FBXL3: variants seen among roughly 807,000 people sequenced by gnomAD.
The protein encoded by FBXL3 is F-box and leucine rich repeat protein 3.
A neutral mutation model predicts 37.9 loss-of-function variants in FBXL3; 14 were observed. The observed-to-expected ratio is 0.37, with a 90% CI of 0.24 to 0.58. The LOEUF (loss-of-function observed/expected upper bound fraction) is 0.58, where lower values mean the gene tolerates loss of function less well. Ranked by LOEUF, FBXL3 falls within the 20% of genes least tolerant of loss-of-function variation. The pLI, the probability that FBXL3 is intolerant of heterozygous loss-of-function variation, is 0.74. For missense variants in FBXL3, 327 were observed against 511.1 expected, an observed-to-expected ratio of 0.64 and a Z score of 3.47; for synonymous variants, 194 against 180.1, an observed-to-expected ratio of 1.08 and a Z score of -0.62.
intron 2 of FBXL3, among the ~76,000 whole-genome samples, chr13:77,021,279 G>A (rs986832082): frequency 2.0e-5 from 3 of 152,014 alleles, no homozygotes; most frequent in Admixed American, 6.6e-5. Context: ...AATGACTTAT[G>A]CTTATTTAGT....
chr13:77,012,452 A>G (rs1012062148), intron 4 of FBXL3, among the ~76,000 whole-genome samples: 2 of 152,210 alleles, frequency 1.3e-5, no homozygotes, highest in African/African-American at 4.8e-5. Context: ...AAAAAGGTAA[A>G]AACAAGTGTC....
chr13:77,017,726 T>C (rs989284939), intron 3 of FBXL3: 1 of 152,148 alleles, frequency 6.6e-6, no homozygotes, highest in Non-Finnish European at 1.5e-5. Context: ...GTAATGAAAA[T>C]GTTTCAAAAT....
At chr13:77,015,633 A>C in intron 3 of FBXL3, 53 bp from the exon 4 acceptor site, 1 of 1,250,906 alleles carries the variant, frequency 8.0e-7, no homozygotes, top group Non-Finnish European at 1.1e-6. Flanking sequence ...AGAAATGAGA[A>C]TCAAGGGGTT....
Position 77,015,400 on chromosome 13 carries a change from A to G in FBXL3, c.643+9T>C. On this transcript the variant is annotated intron_variant, in intron 4 of 4. Transcript: ENST00000355619. ...TACTAAAATGTGTCTAGCAAAAAAC[A>G]CAACATACCTGCTGGAGAGACATGA... 3.3e-6 allele frequency: 5 copies of G among 1,508,342 alleles called. No homozygotes were observed. Among genetic ancestry groups the G allele is most frequent in the Non-Finnish European group, 4.4e-6 (5 of 1,128,000 alleles). 93.4% of individuals were successfully genotyped at this position (1,508,342 alleles called of 1,614,324 possible).
chr13:77,013,093 C>A (rs565284371), intron 4 of FBXL3: 1 of 152,116 alleles, frequency 6.6e-6, no homozygotes, highest in African/African-American at 2.4e-5. Context: ...AGTATTCTTT[C>A]TCTTCCCTTC....
rs1432117680 is a variant in FBXL3 at position 77,026,704 on chromosome 13, C to A, written c.-2+123G>T. The A allele has an allele frequency of 2.0e-5, 3 of 146,422 alleles. No individual in the cohort carries two copies. In the East Asian group the frequency reaches 6.4e-4, roughly 31 times the overall value. 9.1% of individuals were successfully genotyped at this position (146,422 alleles called of 1,614,324 possible). A position where few individuals can be genotyped will look rare whatever the true frequency, so the allele number is the denominator to read the frequency against. On this transcript the variant is annotated intron_variant, in intron 1 of 4. Transcript: ENST00000355619. ...CCCGGCACTCCTGAGGAGCGGCCCGCGCGCGCCCCGGCCCCCGCGCCCCCC... is the reference window on the plus strand; with the variant it reads ...CCCGGCACTCCTGAGGAGCGGCCCGAGCGCGCCCCGGCCCCCGCGCCCCCC...
At chr13:77,020,454 T>C (rs1459310006) in intron 2 of FBXL3, among the ~76,000 whole-genome samples, 1 of 152,158 alleles carries the variant, frequency 6.6e-6, no homozygotes, top group African/African-American at 2.4e-5. Context: ...AAGCAGGTAA[T>C]CTCCACCTAA....
Position 77,006,841 on chromosome 13 carries a change from TATAAC to T in FBXL3, c.*299_*303del, listed in dbSNP as rs943045470. The T allele has an allele frequency of 9.0e-6, 10 of 1,108,110 alleles. No individual in the cohort carries two copies. Among genetic ancestry groups the T allele is most frequent in the South Asian group, 3.4e-5 (1 of 29,100 alleles). The allele number at this position is 1,108,110 out of a possible 1,614,324, so 68.6% of individuals were successfully genotyped here. On this transcript the variant is annotated 3_prime_UTR_variant, in exon 5 of 5. Transcript: ENST00000355619. ...AAACCTATTAGTACTTCTTGGATATTATAACATATAGGTTTTGTTTCCTTTAGACT... is the reference window on the plus strand; with the variant it reads ...AAACCTATTAGTACTTCTTGGATATTATATAGGTTTTGTTTCCTTTAGACT...
chr13:77,025,450 C>T lies in FBXL3; in HGVS notation c.-2+1377G>A, dbSNP rs143095046. Reference sequence around the variant, plus strand: ...GTTCCATAAACTTTCCAGGTGGGCGCGGTGGGCCACGCCTGTAATCCCAGC... The same window carrying T: ...GTTCCATAAACTTTCCAGGTGGGCGTGGTGGGCCACGCCTGTAATCCCAGC... On this transcript the variant is annotated intron_variant, in intron 1 of 4. Transcript: ENST00000355619. Among the ~76,000 whole-genome samples, 18 of 152,182 alleles carry T rather than the reference C, an allele frequency of 1.2e-4. No homozygotes were observed. The East Asian group carries it at 3.3e-3, about 28-fold the overall frequency.
Position 77,007,631 on chromosome 13 carries a change from T to C in FBXL3, c.801A>G (p.Thr267=). The change falls in exon 5 of 5, where the codon ACA becomes ACG. Residue 267 remains threonine (T), a synonymous_variant. Transcript: ENST00000355619. ...IDVVSENPGQ[T]HFHTIQKSSW... ...TACTCTTCTGAATAGTATGGAAGTG[T>C]GTCTGTCCAGGATTCTCACTGACTA... 1 of 1,614,212 alleles carries C rather than the reference T, an allele frequency of 6.2e-7. No homozygotes were observed. The highest frequency in any genetic ancestry group is 8.5e-7 in the Non-Finnish European group (1 of 1,180,038).
In FBXL3 at chr13:77,006,858, G is replaced by C. The variant is rs1174613263; in HGVS notation, c.*287C>G. The C allele has an allele frequency of 2.6e-6, 3 of 1,151,844 alleles. No homozygotes were observed. The African/African-American group carries it at 4.8e-5, about 18-fold the overall frequency. The allele number at this position is 1,151,844 out of a possible 1,614,324, so 71.4% of individuals were successfully genotyped here. A position where few individuals can be genotyped will look rare whatever the true frequency, so the allele number is the denominator to read the frequency against. The stretch of plus-strand genomic sequence containing the variant: ...TTGGATATTATAACATATAGGTTTT[G>C]TTTCCTTTAGACTGTAAACTGTTTA... On this transcript the variant is annotated 3_prime_UTR_variant, in exon 5 of 5. Coordinates refer to ENST00000355619, the MANE Select transcript of FBXL3 (RefSeq NM_012158.4).
At chr13:77,020,893 C>G (rs546026149) in intron 2 of FBXL3, among the ~76,000 whole-genome samples, 26 of 152,268 alleles carry the variant, frequency 1.7e-4, no homozygotes, top group Non-Finnish European at 2.9e-4. Flanking sequence ...GTACCCACAT[C>G]CAGCTATGAT....
chr13:77,017,764 AT>A (rs1264740504), intron 3 of FBXL3: 4 of 152,140 alleles, frequency 2.6e-5, no homozygotes, highest in African/African-American at 9.7e-5. Flanking sequence ...TCAACTGGTG[AT>A]TTATTTGGTA....
At chr13:77,018,345 CTGAA>C (rs1676005377) in intron 3 of FBXL3, 1 of 245,924 alleles carries the variant, frequency 4.1e-6, no homozygotes, top group Admixed American at 5.4e-5. Flanking sequence ...ATTTTACTTA[CTGAA>C]TTTCTTTTAA....
intron 2 of FBXL3, 69 bp downstream of exon 2, chr13:77,021,443 GA>G: frequency 2.6e-6 from 3 of 1,163,572 alleles, no homozygotes; most frequent in Non-Finnish European, 3.6e-6. Context: ...GGCATGAGAA[GA>G]TGTACTGGTT....
rs1313758265 is a variant in FBXL3 at position 77,015,584 on chromosome 13, A to C, written c.472-4T>G. On this transcript the variant is annotated splice_polypyrimidine_tract_variant and splice_region_variant and intron_variant, in intron 3 of 4. Coordinates refer to ENST00000355619, the MANE Select transcript of FBXL3 (RefSeq NM_012158.4). ...TCAGTGCAGAGATAAAGTGAGACTGAAAAGCAAAAAAAATAAAATAAAAAT... is the reference window on the plus strand; with the variant it reads ...TCAGTGCAGAGATAAAGTGAGACTGCAAAGCAAAAAAAATAAAATAAAAAT... 6.7e-7 allele frequency: 1 copy of C among 1,497,168 alleles called. No individual in the cohort carries two copies. Among genetic ancestry groups the C allele is most frequent in the Non-Finnish European group, 8.9e-7 (1 of 1,123,206 alleles). The allele number at this position is 1,497,168 out of a possible 1,614,324, so 92.7% of individuals were successfully genotyped here.
In FBXL3 at chr13:77,006,772, G is replaced by T; in HGVS notation, c.*373C>A. On this transcript the variant is annotated 3_prime_UTR_variant, in exon 5 of 5. Transcript: ENST00000355619. ...GTAACTGAAGACCCTAAAATGTCAA[G>T]TTTACATTTTTTTTTAAATGCATAG... is the stretch of plus-strand genomic sequence containing the variant. 1.0e-6 allele frequency: 1 copy of T among 981,008 alleles called. No individual in the cohort carries two copies. Among genetic ancestry groups the T allele is most frequent in the Non-Finnish European group, 1.2e-6 (1 of 817,314 alleles). The allele number at this position is 981,008 out of a possible 1,614,324, so 60.8% of individuals were successfully genotyped here.
chr13:77,010,614 A>G (rs567682322), intron 4 of FBXL3: 1 of 152,342 alleles, frequency 6.6e-6, no homozygotes, highest in East Asian at 1.9e-4. Flanking sequence ...AGGGGGCCAA[A>G]AAAGAAAAAT....
intron 3 of FBXL3, chr13:77,016,524 G>A (rs1425714052): frequency 6.6e-6 from 1 of 151,822 alleles, no homozygotes; most frequent in Non-Finnish European, 1.5e-5. Context: ...AGCCAAGAAA[G>A]TATAATGAAA....
Sources: gnomAD v4.1 joint callset for allele counts (sites outside exome capture counted in the v4.1 genomes callset) on GRCh38, gnomAD v4.1.1 for gene constraint, MANE v1.5 for transcripts, NCBI Gene and HGNC (gene_info 2026-07-23, HGNC 2026-07-21) for gene names.